ATL1: variants seen among roughly 807,000 people sequenced by gnomAD.
ATL1 encodes atlastin GTPase 1.
ATL1 carries 31 observed loss-of-function variants against 75.5 expected under a neutral mutation model. The observed-to-expected ratio is 0.41, with a 90% CI of 0.31 to 0.55. The LOEUF is 0.55. Ranked by LOEUF, ATL1 falls within the 20% of genes least tolerant of loss-of-function variation. ATL1 has a pLI of 0.27. For missense variants in ATL1, 405 were observed against 662.6 expected (o/e 0.61, Z 4.27); for synonymous variants, 226 against 233.3 (o/e 0.97, Z 0.28).
Position 50,602,275 on chromosome 14 carries a change from T to C in ATL1, c.630+6643T>C, listed in dbSNP as rs1333914903. Among the ~76,000 whole-genome samples the C allele has an allele frequency of 7.2e-5, 11 of 152,218 alleles. 1 individual carries two copies. Among genetic ancestry groups the C allele is most frequent in the African/African-American group, 2.7e-4 (11 of 41,460 alleles). On this transcript the variant is annotated intron_variant, in intron 6 of 13. Coordinates refer to ENST00000358385, the MANE Select transcript of ATL1 (RefSeq NM_015915.5). Reference sequence around the variant, plus strand: ...AGCTCTGTGTGTGTGCTTGTCACTCTTGTCCTCTCAGTTCTGCTGGGCTGT... The same window carrying C: ...AGCTCTGTGTGTGTGCTTGTCACTCCTGTCCTCTCAGTTCTGCTGGGCTGT...
At chr14:50,612,765 C>T (rs1004687240) in intron 6 of ATL1, among the ~76,000 whole-genome samples, 2 of 152,022 alleles carry the variant, frequency 1.3e-5, no homozygotes, top group Non-Finnish European at 2.9e-5. Flanking sequence ...ATGTGGGGTG[C>T]ATTTTTAAAT....
chr14:50,586,134 A>C (rs2039099533), intron 1 of ATL1, among the ~76,000 whole-genome samples: 1 of 152,228 alleles, frequency 6.6e-6, no homozygotes, highest in Non-Finnish European at 1.5e-5. Context: ...ACTTCTTATC[A>C]AATAGACATC....
intron 4 of ATL1, chr14:50,591,846 T>C (rs1040462471): frequency 1.9e-6 from 1 of 531,842 alleles, no homozygotes; most frequent in African/African-American, 1.9e-5. Flanking sequence ...ACTTTCAAAT[T>C]GACTGCTTTG....
chr14:50,537,226 C>A (rs1212786165), intron 1 of ATL1, among the ~76,000 whole-genome samples: 1 of 152,228 alleles, frequency 6.6e-6, no homozygotes, highest in Non-Finnish European at 1.5e-5. Context: ...GGGGCCGTGG[C>A]TTCAGAGGGT....
rs1158405605 is a variant in ATL1, at chr14:50,564,686, A to G, written c.34+4387A>G. Among the ~76,000 whole-genome samples the G allele has an allele frequency of 2.0e-5, 3 of 151,194 alleles. No homozygotes were observed. The East Asian group carries it at 5.8e-4, about 29-fold the overall frequency. On this transcript the variant is annotated intron_variant, in intron 1 of 13. Transcript: ENST00000358385. ...AAAAAAAAAAAAAAAAAGAAGAAGA[A>G]AAGGAAAAAGAACGATAGTATTCGC... is the stretch of plus-strand genomic sequence containing the variant.
intron 11 of ATL1, among the ~76,000 whole-genome samples, chr14:50,625,020 A>G (rs1317525112): frequency 6.6e-6 from 1 of 152,148 alleles, no homozygotes; most frequent in Non-Finnish European, 1.5e-5. Context: ...CAATGAGCCA[A>G]GATCGCACCA....
At chr14:50,546,224 GATTACCT>G (rs1260936327) in intron 1 of ATL1, among the ~76,000 whole-genome samples, 1 of 152,158 alleles carries the variant, frequency 6.6e-6, no homozygotes, top group Non-Finnish European at 1.5e-5. Context: ...GCCTTCACTG[GATTACCT>G]ATTAGGCAAA....
At chr14:50,580,990 A>C (rs1351916932) in intron 1 of ATL1, among the ~76,000 whole-genome samples, 2 of 152,008 alleles carry the variant, frequency 1.3e-5, no homozygotes, top group Non-Finnish European at 2.9e-5. Context: ...AATTACTCAT[A>C]ATATCCCCAT....
At chr14:50,551,329 G>T (rs2038699341) in intron 1 of ATL1, among the ~76,000 whole-genome samples, 1 of 133,750 alleles carries the variant, frequency 7.5e-6, no homozygotes, top group Admixed American at 8.2e-5. Flanking sequence ...AAATCAGGAA[G>T]AAATAGAAAC....
intron 1 of ATL1, among the ~76,000 whole-genome samples, chr14:50,579,846 C>T (rs764724210): frequency 6.6e-6 from 1 of 152,046 alleles, no homozygotes; most frequent in Non-Finnish European, 1.5e-5. Context: ...CAGAAATTGG[C>T]AAATGTCACA....
In ATL1 at chr14:50,628,079, A is replaced by G; in HGVS notation, c.1168A>G (p.Lys390Glu). The G allele has an allele frequency of 6.2e-7, 1 of 1,614,222 alleles. No individual in the cohort carries two copies. Among genetic ancestry groups the G allele is most frequent in the Non-Finnish European group, 8.5e-7 (1 of 1,180,038 alleles). ...TCTGGCCCCAAATGACTTGCAGACC[A>G]AACACCTGCAACTTAAGGAAGAATC... ...PFLAPNDLQT[K>E]HLQLKEESVK... The change falls in exon 12 of 14, where the codon AAA (lysine) becomes GAA (glutamate). Residue 390 changes from lysine (K) to glutamate (E), a missense_variant. Physicochemically the swap from Lys to Glu is moderately conservative, Grantham distance 56. Coordinates refer to ENST00000358385, the MANE Select transcript of ATL1 (RefSeq NM_015915.5).
upstream of ATL1, among the ~76,000 whole-genome samples, chr14:50,556,798 A>G (rs2038770714): frequency 6.6e-6 from 1 of 152,188 alleles, no homozygotes; most frequent in South Asian, 2.1e-4. Context: ...TTCAAGGTCC[A>G]TCCATGTTGT....
intron 1 of ATL1, among the ~76,000 whole-genome samples, chr14:50,546,994 C>A (rs998027926): frequency 1.3e-5 from 2 of 152,062 alleles, no homozygotes; most frequent in East Asian, 1.9e-4. Flanking sequence ...CCTAGCCCCC[C>A]ACCCCCCAAC....
chr14:50,557,937 C>A (rs1425959664), upstream of ATL1, among the ~76,000 whole-genome samples: 1 of 152,014 alleles, frequency 6.6e-6, no homozygotes, highest in African/African-American at 2.4e-5. Flanking sequence ...TGCTCAAAGA[C>A]AAAAAGGGAC....
At chr14:50,555,366 C>T (rs962352854), upstream of ATL1, among the ~76,000 whole-genome samples, 3 of 152,248 alleles carry the variant, frequency 2.0e-5, no homozygotes, top group African/African-American at 7.2e-5. Flanking sequence ...ACTGCAACCT[C>T]TGCCTCCCGG....
At chr14:50,564,647 C>CAAAAAAAAAAAAAA (rs60054322) in intron 1 of ATL1, among the ~76,000 whole-genome samples, 26 of 40,004 alleles carry the variant, frequency 6.5e-4, no homozygotes, top group African/African-American at 1.1e-3. Flanking sequence ...GATTCCGTCT[C>CAAAAAAAAAAAAAA]AAAAAAAAAA....
intron 1 of ATL1, among the ~76,000 whole-genome samples, chr14:50,579,140 G>T (rs181943048): frequency 1.3e-5 from 2 of 151,568 alleles, no homozygotes; most frequent in East Asian, 3.9e-4. Flanking sequence ...CCAGGTGTAG[G>T]TCTGTGATTT....
chr14:50,558,409 C>A (rs1273074749), upstream of ATL1, among the ~76,000 whole-genome samples: 2 of 152,116 alleles, frequency 1.3e-5, no homozygotes, highest in Admixed American at 1.3e-4. Context: ...TTTAAAAAAT[C>A]ACTAATATGA....
intron 1 of ATL1, among the ~76,000 whole-genome samples, chr14:50,578,659 A>G (rs1231162909): frequency 6.6e-6 from 1 of 152,046 alleles, no homozygotes; most frequent in Non-Finnish European, 1.5e-5. Flanking sequence ...ATTTCTTATG[A>G]TATATATTGG....
Sources: allele counts gnomAD v4.1 joint callset (sites outside exome capture counted in the v4.1 genomes callset), GRCh38; gene constraint gnomAD v4.1.1; transcripts MANE v1.5; gene names NCBI Gene and HGNC (gene_info 2026-07-23, HGNC 2026-07-21).